The following NARS2 variants were observed in gnomAD, a reference collection of about 807,000 sequenced individuals.
NARS2 encodes asparaginyl-tRNA synthetase.
In NARS2, 60 loss-of-function variants were observed where a neutral mutation model predicts 62.9. The observed-to-expected ratio is 0.95, with a 90% CI of 0.77 to 1.18. The LOEUF (loss-of-function observed/expected upper bound fraction) is 1.18. NARS2 is among the 50% of genes most tolerant of loss of function. NARS2 has a pLI of 0.00. For missense variants in NARS2, 619 were observed against 576.4 expected (o/e 1.07, Z -0.76); for synonymous variants, 196 against 200.0 (o/e 0.98, Z 0.17).
chr11:78,558,576 C>T (rs1210961810), intron 5 of NARS2: 2 of 152,178 alleles, frequency 1.3e-5, no homozygotes, highest in African/African-American at 2.4e-5. Context: ...TTCTCTCTGT[C>T]CATTATTATA....
intron 9 of NARS2, among the ~76,000 whole-genome samples, chr11:78,473,799 G>A (rs1368459584): frequency 6.6e-6 from 1 of 152,100 alleles, no homozygotes; most frequent in Non-Finnish European, 1.5e-5. Flanking sequence ...TTTTCTAATT[G>A]GCCCTTTCAT....
intron 5 of NARS2, among the ~76,000 whole-genome samples, chr11:78,556,420 G>A (rs115674732): frequency 0.01 from 1,531 of 152,082 alleles, 29 homozygotes; most frequent in African/African-American, 0.035. Context: ...GTTGTGCATC[G>A]CCACCAAGCC....
rs532947806 is a variant in NARS2 at position 78,436,687 on chromosome 11, G to T, written c.1417C>A (p.His473Asn). The T allele has an allele frequency of 1.2e-4, 195 of 1,614,146 alleles. No individual in the cohort carries two copies. In the South Asian group the frequency reaches 2.0e-3, roughly 17 times the overall value. ...KDVIPFPRFP[H>N]SCLL The stretch of plus-strand genomic sequence containing the variant: ...TCTTCCAGCTATAAAAGGCATGAAT[G>T]AGGAAACCTTGGGAAAGGGATAACA... Residue 473 changes from histidine to asparagine, a missense_variant, in exon 14 of 14, where the codon CAT (histidine) becomes AAT (asparagine). Transcript: ENST00000281038.
chr11:78,533,454 G>C (rs1223816391), intron 5 of NARS2, among the ~76,000 whole-genome samples: 1 of 152,188 alleles, frequency 6.6e-6, no homozygotes, highest in Non-Finnish European at 1.5e-5. Context: ...GGAGAAAGCA[G>C]TTTCTCTTTG....
At chr11:78,456,330 C>T (rs1858161957) in intron 11 of NARS2, among the ~76,000 whole-genome samples, 1 of 152,194 alleles carries the variant, frequency 6.6e-6, no homozygotes, top group South Asian at 2.1e-4. Context: ...CCTAACTCTA[C>T]AATTCAAAGT....
chr11:78,496,921 T>G (rs1860082626), intron 6 of NARS2, among the ~76,000 whole-genome samples: 2 of 152,138 alleles, frequency 1.3e-5, no homozygotes, highest in African/African-American at 4.8e-5. Context: ...CTTTCTTTTT[T>G]CCTATCTTCC....
chr11:78,568,702 CT>C lies in NARS2; in HGVS notation c.301del (p.Ser101ValfsTer10). ...TTCCACATTTTGCCTTTTGGATGGA[CT>C]TTTTATCAGCTGCCCTTGTACTTCC... ...SVEVQGQLIK[S>X]PSKRQNVELK... On this transcript the variant is annotated frameshift_variant, in exon 3 of 14. Coordinates refer to ENST00000281038, the MANE Select transcript of NARS2 (RefSeq NM_024678.6). LOFTEE classifies it high-confidence loss of function. 1 of 1,613,012 alleles carries C rather than the reference CT, an allele frequency of 6.2e-7. No individual in the cohort carries two copies. Among genetic ancestry groups the C allele is most frequent in the Non-Finnish European group, 8.5e-7 (1 of 1,179,278 alleles).
chr11:78,554,239 G>A (rs1856244941), intron 5 of NARS2, among the ~76,000 whole-genome samples: 1 of 151,984 alleles, frequency 6.6e-6, no homozygotes, highest in Admixed American at 6.6e-5. Context: ...GGGCTATCTT[G>A]GCTATCTGGG....
At chr11:78,529,236 G>A (rs925871320) in intron 5 of NARS2, among the ~76,000 whole-genome samples, 1 of 152,140 alleles carries the variant, frequency 6.6e-6, no homozygotes, top group East Asian at 1.9e-4. Flanking sequence ...GCAATCTAAG[G>A]CAAGAAATTA....
chr11:78,557,444 G>C (rs1157147954), intron 5 of NARS2, among the ~76,000 whole-genome samples: 2 of 152,192 alleles, frequency 1.3e-5, no homozygotes, highest in Non-Finnish European at 2.9e-5. Flanking sequence ...AAAGGATAGA[G>C]GGTTGGCAGG....
chr11:78,533,563 T>G (rs1861558755), intron 5 of NARS2, among the ~76,000 whole-genome samples: 1 of 152,192 alleles, frequency 6.6e-6, no homozygotes, highest in South Asian at 2.1e-4. Context: ...TCCTTTTGAG[T>G]GACCAAAGTT....
chr11:78,463,471 A>T (rs1057478802), intron 11 of NARS2, among the ~76,000 whole-genome samples: 2 of 152,210 alleles, frequency 1.3e-5, no homozygotes, highest in Non-Finnish European at 2.9e-5. Context: ...AGACTACCTG[A>T]GGTCAGGAGT....
At chr11:78,471,806 T>C (rs964430246) in intron 9 of NARS2, among the ~76,000 whole-genome samples, 1 of 151,790 alleles carries the variant, frequency 6.6e-6, no homozygotes, top group South Asian at 2.1e-4. Flanking sequence ...GTTCTTGCGA[T>C]AGTTTACTGA....
intron 5 of NARS2, among the ~76,000 whole-genome samples, chr11:78,554,500 C>CGTGTGCGTGTGTGT (rs1555041386): frequency 4.7e-5 from 2 of 42,594 alleles, no homozygotes; most frequent in Non-Finnish European, 1.8e-4. Context: ...TATTCCTAGG[C>CGTGTGCGTGTGTGT]GTGTGTGCGT....
At chr11:78,477,583 C>T (rs903219316) in intron 9 of NARS2, among the ~76,000 whole-genome samples, 3 of 152,156 alleles carry the variant, frequency 2.0e-5, no homozygotes, top group Non-Finnish European at 2.9e-5. Flanking sequence ...CTTGGCTGCG[C>T]CATGGTCTCC....
chr11:78,567,395 C>T (rs978155263), intron 3 of NARS2, among the ~76,000 whole-genome samples: 3 of 152,074 alleles, frequency 2.0e-5, no homozygotes, highest in African/African-American at 7.2e-5. Flanking sequence ...GAATGGCATG[C>T]AATTTAAAAT....
chr11:78,574,051 T>G lies in NARS2; in HGVS notation c.141+297A>C, dbSNP rs4277140. On this transcript the variant is annotated intron_variant, in intron 1 of 13. Coordinates refer to ENST00000281038, the MANE Select transcript of NARS2 (RefSeq NM_024678.6). ...ACCACTTTATAAACCTGGATATTCATTATAAGGGATAAAGATAGAGAAAGG... is the reference window on the plus strand; with the variant it reads ...ACCACTTTATAAACCTGGATATTCAGTATAAGGGATAAAGATAGAGAAAGG... Among the ~76,000 whole-genome samples the G allele has an allele frequency of 0.71, 108,345 of 152,016 alleles. 39,194 individuals are homozygous for G. Among genetic ancestry groups the G allele is most frequent in the Non-Finnish European group, 0.79 (53,942 of 67,984 alleles).
intron 5 of NARS2, among the ~76,000 whole-genome samples, chr11:78,546,049 G>A (rs560896442): frequency 1.3e-5 from 2 of 152,288 alleles, no homozygotes; most frequent in South Asian, 4.1e-4. Context: ...AAGTCTATGG[G>A]TTGCCTGGCT....
At chr11:78,438,873 T>C (rs1857491791) in intron 13 of NARS2, among the ~76,000 whole-genome samples, 1 of 152,194 alleles carries the variant, frequency 6.6e-6, no homozygotes, top group African/African-American at 2.4e-5. Context: ...ACCTTTAATA[T>C]ACTAATATAG....
Sources: gnomAD v4.1 joint callset for allele counts (sites outside exome capture counted in the v4.1 genomes callset) on GRCh38, gnomAD v4.1.1 for gene constraint, MANE v1.5 for transcripts, NCBI Gene and HGNC (gene_info 2026-07-23, HGNC 2026-07-21) for gene names.